The following RAPGEF6 variants were observed in gnomAD, a reference collection of about 807,000 sequenced individuals.
The protein encoded by RAPGEF6 is Rap guanine nucleotide exchange factor 6, also known as PDZ domain containing guanine nucleotide exchange factor (GEF) 2.
Under a neutral mutation model 171.4 loss-of-function variants are expected in RAPGEF6, and 56 were observed. The ratio of observed to expected loss-of-function variants is 0.33; its 90% confidence interval spans 0.26 to 0.41. The LOEUF (loss-of-function observed/expected upper bound fraction) is 0.41, where lower values mean the gene tolerates loss of function less well. RAPGEF6 is among the 10% of genes least tolerant of loss of function. RAPGEF6 has a pLI of 1.00. For missense variants in RAPGEF6, 1,674 were observed against 1,921.4 expected (o/e 0.87, Z 2.41); for synonymous variants, 692 against 650.1 (o/e 1.06, Z -0.98).
intron 4 of RAPGEF6, among the ~76,000 whole-genome samples, chr5:131,571,220 G>C (rs1423300056): frequency 6.6e-6 from 1 of 152,008 alleles, no homozygotes; most frequent in Non-Finnish European, 1.5e-5. Flanking sequence ...GCGATTACAG[G>C]TGTAAGCCAC....
intron 1 of RAPGEF6, among the ~76,000 whole-genome samples, chr5:131,620,752 A>G (rs1178834493): frequency 6.6e-6 from 1 of 152,066 alleles, no homozygotes; most frequent in Admixed American, 6.6e-5. Flanking sequence ...CACCATGCCC[A>G]GCAAATTTTT....
At chr5:131,517,671 G>A (rs1758183287) in intron 7 of RAPGEF6, among the ~76,000 whole-genome samples, 1 of 149,240 alleles carries the variant, frequency 6.7e-6, no homozygotes, top group Non-Finnish European at 1.5e-5. Flanking sequence ...GCTCCAAAAG[G>A]GAATCTAAAG....
chr5:131,439,729 C>A lies in RAPGEF6; in HGVS notation c.3611-14G>T. 1.2e-6 allele frequency: 2 copies of A among 1,607,406 alleles called. No individual in the cohort carries two copies. The highest frequency in any genetic ancestry group is 1.1e-5 in the South Asian group (1 of 90,000). On this transcript the variant is annotated splice_polypyrimidine_tract_variant and intron_variant, in intron 23 of 27. Transcript: ENST00000509018. ...GTAAACTTGTATCTAAAAATAAAAC[C>A]AAAGATGCAAATAAGCATCGTTTCA... is the stretch of plus-strand genomic sequence containing the variant.
rs1327071868 is a variant in RAPGEF6, at chr5:131,424,728, T to C, written c.*2538A>G. ...ACTTTAATAAGCTTTTATGGAATCA[T>C]GTACTGGATTTACTAATTCTCAAAA... On this transcript the variant is annotated 3_prime_UTR_variant, in exon 28 of 28. Transcript: ENST00000509018. 5.2e-5 allele frequency: 8 copies of C among 152,408 alleles called. No homozygotes were observed. The allele number at this position is 152,408 out of a possible 1,614,324, so 9.4% of individuals were successfully genotyped here.
chr5:131,575,718 C>T (rs1762566188), intron 4 of RAPGEF6, among the ~76,000 whole-genome samples: 1 of 152,174 alleles, frequency 6.6e-6, no homozygotes, highest in Non-Finnish European at 1.5e-5. Flanking sequence ...GAAACAGCTC[C>T]CACATTAGCA....
At chr5:131,569,609 T>C (rs1042844184) in intron 4 of RAPGEF6, among the ~76,000 whole-genome samples, 3 of 152,226 alleles carry the variant, frequency 2.0e-5, no homozygotes, top group African/African-American at 7.2e-5. Context: ...TTAAAACTTT[T>C]AGAAAAAACT....
intron 7 of RAPGEF6, among the ~76,000 whole-genome samples, chr5:131,516,509 T>C (rs6895820): frequency 0.14 from 21,931 of 152,006 alleles, 4,097 homozygotes; most frequent in African/African-American, 0.44. Flanking sequence ...GTAACTGAAG[T>C]CTTGGGATTT....
chr5:131,531,585 T>C (rs1759375040), intron 6 of RAPGEF6, among the ~76,000 whole-genome samples: 1 of 152,220 alleles, frequency 6.6e-6, no homozygotes. Flanking sequence ...TTAAATATTT[T>C]CATATAATTG....
rs1393508579 is a variant in RAPGEF6, at chr5:131,475,980, A to G, written c.2082-3236T>C. On this transcript the variant is annotated intron_variant, in intron 16 of 27. Coordinates refer to ENST00000509018, the MANE Select transcript of RAPGEF6 (RefSeq NM_016340.6). ...AGAAATTGTGAAACTGAACTCATTA[A>G]ACATTTTTTTCAATTAAAAAATAAC... Among the ~76,000 whole-genome samples, 3 of 152,240 alleles carry G rather than the reference A, an allele frequency of 2.0e-5. 1 individual carries two copies. Among genetic ancestry groups the G allele is most frequent in the Non-Finnish European group, 4.4e-5 (3 of 68,040 alleles).
At position 131,528,158 on chromosome 5, in the gene RAPGEF6, AAT is replaced by A. The variant is rs1655255965; in HGVS notation, c.496-6639_496-6638del. On this transcript the variant is annotated intron_variant, in intron 6 of 27. Transcript: ENST00000509018. The stretch of plus-strand genomic sequence containing the variant: ...ATAATATATACTATATATAATATAA[AAT>A]ATATATTACATATAAATTTATATTA... Among the ~76,000 whole-genome samples, 6 of 107,848 alleles carry A rather than the reference AAT, an allele frequency of 5.6e-5. No homozygotes were observed. The South Asian group carries it at 1.4e-3, about 25-fold the overall frequency. 70.8% of individuals were successfully genotyped at this position (107,848 alleles called of 152,430 possible).
chr5:131,484,095 CAAAA>C (rs757936744), intron 15 of RAPGEF6, among the ~76,000 whole-genome samples: 3 of 42,062 alleles, frequency 7.1e-5, no homozygotes, highest in Non-Finnish European at 9.9e-5. Context: ...GACTCCATCT[CAAAA>C]AAAAAAAAAA....
In RAPGEF6 at chr5:131,571,109, T is replaced by C. The variant is rs553455645; in HGVS notation, c.282-9062A>G. 2.6e-5 allele frequency among the ~76,000 whole-genome samples: 4 copies of C among 152,164 alleles called. No homozygotes were observed. In the South Asian group the frequency reaches 8.3e-4, roughly 32 times the overall value. The stretch of plus-strand genomic sequence containing the variant: ...GGTACATGCCACCACACCGGGTTAA[T>C]TTTTGTATTTTTAGTAGAGCCAGGA... On this transcript the variant is annotated intron_variant, in intron 4 of 27. Transcript: ENST00000509018.
intron 4 of RAPGEF6, among the ~76,000 whole-genome samples, chr5:131,564,349 A>G (rs958007229): frequency 5.3e-5 from 8 of 152,208 alleles, no homozygotes; most frequent in African/African-American, 1.7e-4. Flanking sequence ...ATGTGAGAAC[A>G]AAGAGTCACA....
At chr5:131,429,259 ATGG>A (rs1554069132) in intron 26 of RAPGEF6, 43 bp from the exon 27 acceptor site, 1 of 1,442,420 alleles carries the variant, frequency 6.9e-7, no homozygotes, top group Non-Finnish European at 9.4e-7. Context: ...TGAAAAAGAA[ATGG>A]AAAAAAAAAG....
At chr5:131,498,326 A>AT (rs1448785206) in intron 12 of RAPGEF6, 117 bp downstream of exon 12, 3 of 942,540 alleles carry the variant, frequency 3.2e-6, no homozygotes, top group African/African-American at 1.7e-5. Flanking sequence ...AGGTTCATTA[A>AT]TTTTTTTAGG....
In RAPGEF6 at chr5:131,510,310, T is replaced by A. The variant is rs1757635802; in HGVS notation, c.805+4A>T. 2 of 1,610,302 alleles carry A rather than the reference T, an allele frequency of 1.2e-6. No individual in the cohort carries two copies. The highest frequency in any genetic ancestry group is 3.4e-5 in the Admixed American group (2 of 59,364). On this transcript the variant is annotated splice_donor_region_variant and intron_variant, in intron 8 of 27. Transcript: ENST00000509018. Reference sequence around the variant, plus strand: ...TTCTTATTGTGAACACATATATTTCTTACCAATGTCATCATCAGTTTTGTC... The same window carrying A: ...TTCTTATTGTGAACACATATATTTCATACCAATGTCATCATCAGTTTTGTC...
chr5:131,564,100 G>C (rs1761776701), intron 4 of RAPGEF6, among the ~76,000 whole-genome samples: 1 of 152,200 alleles, frequency 6.6e-6, no homozygotes. Context: ...ACAGGCAAGA[G>C]AAGCGTAACA....
chr5:131,556,450 CAAT>C (rs1173350597), intron 5 of RAPGEF6, among the ~76,000 whole-genome samples: 4 of 152,134 alleles, frequency 2.6e-5, no homozygotes, highest in African/African-American at 2.4e-5. Flanking sequence ...GTAACACCAA[CAAT>C]GAGACAACTG....
At chr5:131,430,657 T>C in intron 26 of RAPGEF6, 1 of 758,132 alleles carries the variant, frequency 1.3e-6, no homozygotes, top group Non-Finnish European at 2.3e-6. Flanking sequence ...ATCAGACTTT[T>C]CATTTTAATG....
Sources: allele counts gnomAD v4.1 joint callset (sites outside exome capture counted in the v4.1 genomes callset), GRCh38; gene constraint gnomAD v4.1.1; transcripts MANE v1.5; gene names NCBI Gene and HGNC (gene_info 2026-07-23, HGNC 2026-07-21).